Variants in BCL7C observed in about 807,000 individuals in gnomAD.
BCL7C encodes the protein B-cell CLL/lymphoma 7 protein family member C.
A neutral mutation model predicts 26.2 loss-of-function variants in BCL7C; 8 were observed. That is an observed-to-expected ratio of 0.30 (90% CI 0.18 to 0.55). The LOEUF (loss-of-function observed/expected upper bound fraction) is 0.55, where lower values mean the gene tolerates loss of function less well. Ranked by LOEUF, BCL7C falls within the 20% of genes least tolerant of loss-of-function variation. BCL7C has a pLI of 0.93. For synonymous variants in BCL7C, 90 were observed against 116.5 expected (o/e 0.77, Z 1.47); for missense variants, 262 against 298.5 (o/e 0.88, Z 0.90).
intron 3 of BCL7C, 33 bp downstream of exon 3, chr16:30,892,807 C>G: frequency 6.2e-7 from 1 of 1,613,904 alleles, no homozygotes; most frequent in South Asian, 1.1e-5. Context: ...CTTCAGTCCC[C>G]ACAGCCCCCC....
intron 5 of BCL7C, among the ~76,000 whole-genome samples, chr16:30,866,088 G>A (rs1313001921): frequency 3.3e-5 from 5 of 152,008 alleles, no homozygotes; most frequent in Non-Finnish European, 5.9e-5. Flanking sequence ...ACAAAAAATT[G>A]TAAACTATCT....
intron 5 of BCL7C, among the ~76,000 whole-genome samples, chr16:30,860,990 A>C (rs565510513): frequency 1.3e-5 from 2 of 151,832 alleles, no homozygotes; most frequent in Admixed American, 1.3e-4. Flanking sequence ...GCCCTCCCCC[A>C]TCTGCCCAAC....
At chr16:30,892,531 C>A in intron 4 of BCL7C, 55 bp downstream of exon 4, 1 of 1,508,846 alleles carries the variant, frequency 6.6e-7, no homozygotes, top group Non-Finnish European at 8.8e-7. Context: ...GTAGGTTAGA[C>A]TCTGGAGAAG....
intron 5 of BCL7C, among the ~76,000 whole-genome samples, chr16:30,842,627 G>A (rs2054609121): frequency 6.6e-6 from 1 of 152,182 alleles, no homozygotes; most frequent in South Asian, 2.1e-4. Flanking sequence ...GGAGTGCAGT[G>A]GTGCGATCTC....
Position 30,888,955 on chromosome 16 carries a change from C to T in BCL7C, c.443-10G>A, listed in dbSNP as rs1475171463. 6.2e-7 allele frequency: 1 copy of T among 1,613,484 alleles called. No individual in the cohort carries two copies. The highest frequency in any genetic ancestry group is 1.3e-5 in the African/African-American group (1 of 74,912). On this transcript the variant is annotated splice_polypyrimidine_tract_variant and intron_variant, in intron 4 of 5. Coordinates refer to ENST00000215115, the MANE Select transcript of BCL7C (RefSeq NM_004765.4). ...GTTATGCCCCCGGGATCTGGAACGT[C>T]AAGGTAACAAACATCCCCTGAACAG... is the stretch of plus-strand genomic sequence containing the variant.
intron 5 of BCL7C, among the ~76,000 whole-genome samples, chr16:30,849,136 G>A (rs1217844299): frequency 6.0e-5 from 9 of 149,672 alleles, no homozygotes; most frequent in East Asian, 5.9e-4. Flanking sequence ...TCAGTGAGCC[G>A]AGATTGAGCC....
In BCL7C at chr16:30,893,659, C is replaced by T. The variant is rs1162725312; in HGVS notation, c.92+194G>A. Among the ~76,000 whole-genome samples, 5 of 152,054 alleles carry T rather than the reference C, an allele frequency of 3.3e-5. No individual in the cohort carries two copies. Among genetic ancestry groups the T allele is most frequent in the Admixed American group, 3.3e-4 (5 of 15,276 alleles). On this transcript the variant is annotated intron_variant, in intron 1 of 5. Transcript: ENST00000215115. The surrounding 1 kb of genome is among the most constrained non-coding windows in gnomAD (Gnocchi z 5.2). The stretch of plus-strand genomic sequence containing the variant: ...AGGGGGCTCCCGCTCTGGGAGGACA[C>T]GGCTGGGGATCACGCTTTGTAGACC...
intron 5 of BCL7C, among the ~76,000 whole-genome samples, chr16:30,878,767 C>G (rs1402023682): frequency 1.3e-5 from 2 of 151,124 alleles, no homozygotes; most frequent in African/African-American, 4.9e-5. Flanking sequence ...CACTTGAACC[C>G]GGGAGGCAGA....
At chr16:30,854,072 T>G (rs1222317983) in intron 5 of BCL7C, among the ~76,000 whole-genome samples, 1 of 152,162 alleles carries the variant, frequency 6.6e-6, no homozygotes, top group East Asian at 1.9e-4. Context: ...CTTCTCAGTG[T>G]CTTCCTCAGC....
At chr16:30,867,363 T>C (rs1031645405) in intron 5 of BCL7C, among the ~76,000 whole-genome samples, 1 of 152,110 alleles carries the variant, frequency 6.6e-6, no homozygotes, top group African/African-American at 2.4e-5. Context: ...ATAATGGCCA[T>C]TATTCTGATG....
exon 6 of BCL7C, chr16:30,835,137 C>A: frequency 6.6e-7 from 1 of 1,518,364 alleles, no homozygotes; most frequent in South Asian, 1.2e-5. Flanking sequence ...TCGTCATTCT[C>A]ACTCCCGAAT....
chr16:30,893,870 G>T lies in BCL7C; in HGVS notation c.75C>A (p.Ile25=). 1 of 1,602,594 alleles carries T rather than the reference G, an allele frequency of 6.2e-7. No individual in the cohort carries two copies. Residue 25 remains isoleucine, a synonymous_variant, in exon 1 of 6, where the codon ATC becomes ATA. Transcript: ENST00000215115. The surrounding 1 kb of genome is among the most constrained non-coding windows in gnomAD (Gnocchi z 5.2). ...GCGCTCACCATCTCCGGACCTTCTC[G>T]ATGGTCGCCATCACCTTCTTGATGT... ...KDDIKKVMAT[I]EKVRRWEKRW...
In BCL7C at chr16:30,869,353, C is replaced by T. The variant is rs111879249; in HGVS notation, c.528+19507G>A. Among the ~76,000 whole-genome samples the T allele has an allele frequency of 1.8e-3, 268 of 151,904 alleles. 1 individual carries two copies. Among genetic ancestry groups the T allele is most frequent in the African/African-American group, 6.3e-3 (261 of 41,422 alleles). On this transcript the variant is annotated intron_variant, in intron 5 of 5. Coordinates refer to the BCL7C transcript ENST00000380317. ...CCTCCTGAGTAGCTGGGACTACAGG[C>T]GCCTGCCACTGTGCCCAGCTCATTT...
chr16:30,887,009 C>T (rs2055143407), downstream of BCL7C, among the ~76,000 whole-genome samples: 1 of 151,730 alleles, frequency 6.6e-6, no homozygotes, highest in South Asian at 2.1e-4. Flanking sequence ...CCCATGTCTA[C>T]AAAAAATAAA....
Position 30,893,876 on chromosome 16 carries a change from C to T in BCL7C, c.69G>A (p.Ala23=). 1 of 1,602,594 alleles carries T rather than the reference C, an allele frequency of 6.2e-7. No individual in the cohort carries two copies. Among genetic ancestry groups the T allele is most frequent in the Non-Finnish European group, 8.5e-7 (1 of 1,179,224 alleles). Residue 23 remains alanine, a synonymous_variant, in exon 1 of 6, where the codon GCG becomes GCA. Transcript: ENST00000215115. This position sits in a 1 kb window ranked among gnomAD's most constrained non-coding sequence, Gnocchi z 5.2. ...ACCATCTCCGGACCTTCTCGATGGT[C>T]GCCATCACCTTCTTGATGTCATCCT... is the stretch of plus-strand genomic sequence containing the variant. ...RAKDDIKKVM[A]TIEKVRRWEK... is the part of the protein sequence containing the mutation.
chr16:30,887,547 G>A (rs1176887659), downstream of BCL7C, among the ~76,000 whole-genome samples: 8 of 151,656 alleles, frequency 5.3e-5, no homozygotes, highest in African/African-American at 1.5e-4. Flanking sequence ...AGGCCCAGGC[G>A]AGGGCTGAGC....
Position 30,879,689 on chromosome 16 carries a change from C to CAAAAAA in BCL7C, c.528+9165_528+9170dup, listed in dbSNP as rs1187827463. 7.5e-4 allele frequency among the ~76,000 whole-genome samples: 22 copies of CAAAAAA among 29,388 alleles called. 4 individuals are homozygous for CAAAAAA. In the South Asian group the frequency reaches 0.029, roughly 39 times the overall value. The allele number at this position is 29,388 out of a possible 152,430, so 19.3% of individuals were successfully genotyped here. A position where few individuals can be genotyped will look rare whatever the true frequency, so the allele number is the denominator to read the frequency against. ...AACACAGAGAGACTCCCCTTCTCTA[C>CAAAAAA]AAAAAAAAAAAAAAAAAAAACTGGG... is the stretch of plus-strand genomic sequence containing the variant. On this transcript the variant is annotated intron_variant, in intron 5 of 5. Coordinates refer to the BCL7C transcript ENST00000380317.
rs748300536 is a variant in BCL7C at position 30,887,850 on chromosome 16, A to T, written c.*15T>A. ...AAAGGGGCCCCTGGGGCAACAGGAC[A>T]GGCAGGCCGGCTTCTCAGGGGTCAG... On this transcript the variant is annotated 3_prime_UTR_variant, in exon 6 of 6. Transcript: ENST00000215115. The T allele has an allele frequency of 2.4e-5, 37 of 1,562,826 alleles. No individual in the cohort carries two copies. Among genetic ancestry groups the T allele is most frequent in the Non-Finnish European group, 3.0e-5 (35 of 1,160,626 alleles).
chr16:30,874,937 C>G (rs912034342), intron 5 of BCL7C, among the ~76,000 whole-genome samples: 2 of 152,244 alleles, frequency 1.3e-5, no homozygotes, highest in Non-Finnish European at 2.9e-5. Flanking sequence ...CTCTTGCAGC[C>G]GCACTGGAGA....
Sources: gnomAD v4.1 joint callset for allele counts (sites outside exome capture counted in the v4.1 genomes callset) on GRCh38, gnomAD v4.1.1 for gene constraint, Gnocchi (gnomAD v3.1) non-coding constraint, MANE v1.5 for transcripts, NCBI Gene and HGNC (gene_info 2026-07-23, HGNC 2026-07-21) for gene names.